The following ANO10 variants were observed in gnomAD, a reference collection of about 807,000 sequenced individuals.
ANO10 encodes the protein anoctamin-10.
In ANO10, 77 loss-of-function variants were observed where a neutral mutation model predicts 74.7. The ratio of observed to expected loss-of-function variants is 1.03; its 90% confidence interval spans 0.86 to 1.25. The LOEUF (loss-of-function observed/expected upper bound fraction) is 1.25, where lower values mean the gene tolerates loss of function less well. Ranked by LOEUF, ANO10 falls within the 50% of genes most tolerant of loss-of-function variation. The pLI, the probability that ANO10 is intolerant of heterozygous loss-of-function variation, is 0.00. For synonymous variants in ANO10, 279 were observed against 284.9 expected (o/e 0.98, Z 0.21); for missense variants, 721 against 778.1 (o/e 0.93, Z 0.87).
At chr3:43,582,358 A>G (rs528231086) in intron 4 of ANO10, among the ~76,000 whole-genome samples, 2 of 152,280 alleles carry the variant, frequency 1.3e-5, no homozygotes, top group Admixed American at 1.3e-4. Flanking sequence ...AAGCTGAGAC[A>G]GGAGAATGGC....
Position 43,648,763 on chromosome 3 carries a change from G to T in ANO10, c.-12+42754C>A, listed in dbSNP as rs558679221. On this transcript the variant is annotated intron_variant, in intron 1 of 3. Coordinates refer to the ANO10 transcript ENST00000413397. ...GTGATCTTGCCTCACTGCAAGCTCC[G>T]CTTCCCGGGTTCACGCCATTCTTCT... Among the ~76,000 whole-genome samples the T allele has an allele frequency of 2.0e-5, 3 of 147,554 alleles. No individual in the cohort carries two copies. The East Asian group carries it at 6.2e-4, about 30-fold the overall frequency.
intron 12 of ANO10, among the ~76,000 whole-genome samples, chr3:43,375,397 G>A (rs866730526): frequency 2.6e-5 from 4 of 152,148 alleles, no homozygotes; most frequent in South Asian, 2.1e-4. Flanking sequence ...GCAGTGAGCC[G>A]AGAATGCACC....
At chr3:43,464,830 A>C (rs2075545533) in intron 11 of ANO10, among the ~76,000 whole-genome samples, 1 of 152,256 alleles carries the variant, frequency 6.6e-6, no homozygotes, top group Non-Finnish European at 1.5e-5. Flanking sequence ...AAGTCTCAGT[A>C]AAATGGAAAT....
rs751680805 is a variant in ANO10 at position 43,475,605 on chromosome 3, T to G, written c.1798-42878A>C. On this transcript the variant is annotated intron_variant, in intron 11 of 12. Coordinates refer to ENST00000292246, the MANE Select transcript of ANO10 (RefSeq NM_018075.5). Reference sequence around the variant, plus strand: ...TGGGGGGGGTTCTTTGTTTTTGTTTTGTTTTGTTTTTGAGATGAAGTCTTG... The same window carrying G: ...TGGGGGGGGTTCTTTGTTTTTGTTTGGTTTTGTTTTTGAGATGAAGTCTTG... 3.3e-4 allele frequency among the ~76,000 whole-genome samples: 51 copies of G among 152,246 alleles called. 1 individual carries two copies. Among genetic ancestry groups the G allele is most frequent in the Middle Eastern group, 3.4e-3 (1 of 294 alleles).
chr3:43,608,740 C>T (rs1301415509), intron 1 of ANO10, among the ~76,000 whole-genome samples: 1 of 152,018 alleles, frequency 6.6e-6, no homozygotes, highest in Admixed American at 6.6e-5. Context: ...TGCCATGACA[C>T]CCAGCTAATT....
At chr3:43,492,216 T>C (rs575245546) in intron 11 of ANO10, among the ~76,000 whole-genome samples, 1 of 152,206 alleles carries the variant, frequency 6.6e-6, no homozygotes, top group South Asian at 2.1e-4. Flanking sequence ...ATAAATGGTG[T>C]TGGGAAAACT....
At chr3:43,625,474 ATC>A (rs1302550491), upstream of ANO10, among the ~76,000 whole-genome samples, 4 of 152,198 alleles carry the variant, frequency 2.6e-5, no homozygotes, top group Non-Finnish European at 4.4e-5. Context: ...TTTACATTTT[ATC>A]TAGAGGTTTT....
At chr3:43,401,518 TAC>T (rs1170077908) in intron 12 of ANO10, among the ~76,000 whole-genome samples, 2 of 152,234 alleles carry the variant, frequency 1.3e-5, no homozygotes, top group Admixed American at 6.5e-5. Flanking sequence ...TCTAGCTGCT[TAC>T]ACACAGTTTT....
At chr3:43,486,557 C>T (rs1357472427) in intron 11 of ANO10, among the ~76,000 whole-genome samples, 1 of 148,106 alleles carries the variant, frequency 6.8e-6, no homozygotes, top group Non-Finnish European at 1.5e-5. Flanking sequence ...GTATTTTATT[C>T]TCTTTGAAGC....
intron 12 of ANO10, among the ~76,000 whole-genome samples, chr3:43,413,251 T>C (rs2092691817): frequency 6.6e-6 from 1 of 152,150 alleles, no homozygotes; most frequent in South Asian, 2.1e-4. Flanking sequence ...TACTTTTTGA[T>C]TCTAGTTCAA....
At chr3:43,507,471 C>T (rs1388819483) in intron 11 of ANO10, among the ~76,000 whole-genome samples, 1 of 152,146 alleles carries the variant, frequency 6.6e-6, no homozygotes, top group Non-Finnish European at 1.5e-5. Context: ...CAAGGCATCC[C>T]TCCCACAACC....
chr3:43,410,089 T>C (rs564841413), intron 12 of ANO10, among the ~76,000 whole-genome samples: 6 of 152,184 alleles, frequency 3.9e-5, no homozygotes, highest in Admixed American at 3.3e-4. Context: ...ATAAAACGTA[T>C]TACATTTTGT....
At chr3:43,442,029 G>A (rs1044158658) in intron 11 of ANO10, among the ~76,000 whole-genome samples, 2 of 152,038 alleles carry the variant, frequency 1.3e-5, no homozygotes, top group African/African-American at 4.8e-5. Flanking sequence ...ATATGAAAAA[G>A]CCTAGAGCTA....
At chr3:43,504,300 G>GTAGGTAGA (rs71083075) in intron 11 of ANO10, among the ~76,000 whole-genome samples, 20,059 of 139,388 alleles carry the variant, frequency 0.14, 1,693 homozygotes, top group East Asian at 0.23. Flanking sequence ...AGGTAGGTAG[G>GTAGGTAGA]TAGATAGATA....
intron 11 of ANO10, among the ~76,000 whole-genome samples, chr3:43,497,626 T>C (rs1281085910): frequency 6.6e-6 from 1 of 152,138 alleles, no homozygotes; most frequent in Non-Finnish European, 1.5e-5. Flanking sequence ...ACAGACATCC[T>C]GAGGAGCCTA....
intron 11 of ANO10, among the ~76,000 whole-genome samples, chr3:43,467,795 C>A (rs1051971169): frequency 6.6e-6 from 1 of 152,148 alleles, no homozygotes; most frequent in African/African-American, 2.4e-5. Flanking sequence ...TGCAGTGATC[C>A]TTCCTTAACT....
intron 11 of ANO10, among the ~76,000 whole-genome samples, chr3:43,446,258 T>C (rs754538381): frequency 1.3e-5 from 2 of 152,332 alleles, no homozygotes; most frequent in African/African-American, 4.8e-5. Context: ...GTTGAACTTA[T>C]CAGCAATAAC....
intron 12 of ANO10, among the ~76,000 whole-genome samples, chr3:43,406,884 A>C (rs1575690524): frequency 1.3e-5 from 2 of 151,908 alleles, no homozygotes; most frequent in Admixed American, 1.3e-4. Context: ...TGCAGTGTGC[A>C]CGCTGAGTCT....
chr3:43,627,662 G>A (rs1396861056), intron 1 of ANO10, among the ~76,000 whole-genome samples: 1 of 152,220 alleles, frequency 6.6e-6, no homozygotes, highest in Non-Finnish European at 1.5e-5. Context: ...AGAGCCTGAA[G>A]TTGTTTTTAG....
Sources: allele counts gnomAD v4.1 joint callset (sites outside exome capture counted in the v4.1 genomes callset), GRCh38; gene constraint gnomAD v4.1.1; transcripts MANE v1.5; gene names NCBI Gene and HGNC (gene_info 2026-07-23, HGNC 2026-07-21).